STXBP5L: variants seen among roughly 807,000 people sequenced by gnomAD.
STXBP5L encodes syntaxin-binding protein 5-like.
STXBP5L carries 65 observed loss-of-function variants against 144.5 expected under a neutral mutation model. The ratio of observed to expected loss-of-function variants is 0.45; its 90% CI spans 0.37 to 0.55. The LOEUF is 0.55. Among genes scored for constraint, STXBP5L ranks in the 20% least tolerant of loss-of-function variants. The probability of loss-of-function intolerance (pLI) is 0.00; values close to 1 mark genes in which losing one functional copy is unlikely to be tolerated. For missense variants in STXBP5L, 1,298 were observed against 1,405.5 expected, an observed-to-expected ratio of 0.92 and a Z score of 1.22; for synonymous variants, 505 against 469.6, an observed-to-expected ratio of 1.08 and a Z score of -0.97.
chr3:121,063,077 C>T (rs1320667675), intron 5 of STXBP5L, among the ~76,000 whole-genome samples: 2 of 152,172 alleles, frequency 1.3e-5, no homozygotes, highest in African/African-American at 4.8e-5. Context: ...TCCTCTGGAG[C>T]AGAAGAGTCA....
chr3:121,410,180 TG>T (rs1036381277), intron 23 of STXBP5L, among the ~76,000 whole-genome samples: 1 of 151,768 alleles, frequency 6.6e-6, no homozygotes, highest in East Asian at 1.9e-4. Context: ...GCCTCAGATT[TG>T]GGGGGGAAAA....
chr3:121,294,198 A>G (rs1328708694), intron 19 of STXBP5L, among the ~76,000 whole-genome samples: 1 of 152,242 alleles, frequency 6.6e-6, no homozygotes, highest in Non-Finnish European at 1.5e-5. Flanking sequence ...CAGGAAATGA[A>G]GTGGCTTGAC....
intron 19 of STXBP5L, among the ~76,000 whole-genome samples, chr3:121,311,722 G>T (rs2043535771): frequency 6.6e-6 from 1 of 152,182 alleles, no homozygotes; most frequent in South Asian, 2.1e-4. Context: ...AACATTCCAT[G>T]TTCATGGGTA....
intron 21 of STXBP5L, among the ~76,000 whole-genome samples, chr3:121,379,678 G>C (rs2046279377): frequency 6.6e-6 from 1 of 152,038 alleles, no homozygotes; most frequent in South Asian, 2.1e-4. Flanking sequence ...TGATCCCTTA[G>C]ATATGCAGAT....
intron 3 of STXBP5L, among the ~76,000 whole-genome samples, chr3:121,016,199 C>A (rs1945136668): frequency 1.3e-5 from 2 of 152,130 alleles, no homozygotes; most frequent in Non-Finnish European, 2.9e-5. Context: ...CAAAAAATTA[C>A]AAGGCATTCC....
intron 3 of STXBP5L, among the ~76,000 whole-genome samples, chr3:120,982,998 G>C (rs1381357286): frequency 6.6e-6 from 1 of 152,224 alleles, no homozygotes; most frequent in Non-Finnish European, 1.5e-5. Flanking sequence ...CTGTGGACCT[G>C]CCACCAAGGG....
intron 2 of STXBP5L, among the ~76,000 whole-genome samples, chr3:120,931,745 C>T (rs1170777488): frequency 6.6e-6 from 1 of 152,172 alleles, no homozygotes; most frequent in Non-Finnish European, 1.5e-5. Context: ...ACCACAATCC[C>T]TGCAGCAACC....
chr3:121,094,190 A>C (rs2042987834), intron 5 of STXBP5L, among the ~76,000 whole-genome samples: 1 of 152,160 alleles, frequency 6.6e-6, no homozygotes, highest in Non-Finnish European at 1.5e-5. Context: ...CTTTACTTCC[A>C]ACTATGTGGT....
chr3:121,049,383 C>T (rs1327143658), intron 5 of STXBP5L, among the ~76,000 whole-genome samples: 2 of 152,044 alleles, frequency 1.3e-5, no homozygotes, highest in Non-Finnish European at 2.9e-5. Context: ...GTCAGGAGGC[C>T]TTGCTCAGTG....
intron 10 of STXBP5L, among the ~76,000 whole-genome samples, chr3:121,208,259 C>G (rs2048416983): frequency 6.8e-6 from 1 of 147,426 alleles, no homozygotes; most frequent in South Asian, 2.1e-4. Flanking sequence ...CACATGTTCT[C>G]ACTCATAGGT....
At chr3:121,310,316 G>GACTTA (rs1217022111) in intron 19 of STXBP5L, among the ~76,000 whole-genome samples, 1 of 152,242 alleles carries the variant, frequency 6.6e-6, no homozygotes, top group Non-Finnish European at 1.5e-5. Context: ...GCACTATTAA[G>GACTTA]AGGCCAGGCA....
intron 3 of STXBP5L, among the ~76,000 whole-genome samples, chr3:120,974,305 C>T (rs1342362085): frequency 3.3e-5 from 5 of 151,978 alleles, no homozygotes; most frequent in South Asian, 2.1e-4. Flanking sequence ...ATGATGAGCA[C>T]TTTTTCATGT....
chr3:121,318,559 T>G lies in STXBP5L; in HGVS notation c.2176+19T>G. 3 of 1,512,052 alleles carry G rather than the reference T, an allele frequency of 2.0e-6. No homozygotes were observed. The highest frequency in any genetic ancestry group is 1.8e-6 in the Non-Finnish European group (2 of 1,125,734). 93.7% of individuals were successfully genotyped at this position (1,512,052 alleles called of 1,614,324 possible). A position where few individuals can be genotyped will look rare whatever the true frequency, so the allele number is the denominator to read the frequency against. On this transcript the variant is annotated intron_variant, in intron 20 of 26. Coordinates refer to ENST00000471454, the MANE Select transcript of STXBP5L (RefSeq NM_001308330.2). Reference sequence around the variant, plus strand: ...ACCTCAGGTAAACATGAGTGGTATTTTGCAGACTTCTGGTAATTCACTGCA... The same window carrying G: ...ACCTCAGGTAAACATGAGTGGTATTGTGCAGACTTCTGGTAATTCACTGCA...
At chr3:121,416,070 C>A in intron 25 of STXBP5L, 102 bp downstream of exon 25, 1 of 824,338 alleles carries the variant, frequency 1.2e-6, no homozygotes, top group South Asian at 2.0e-5. Context: ...ATCTCAAATT[C>A]TAGACTACGT....
At chr3:121,134,446 G>A (rs1363304868) in intron 7 of STXBP5L, among the ~76,000 whole-genome samples, 4 of 151,838 alleles carry the variant, frequency 2.6e-5, no homozygotes, top group Non-Finnish European at 5.9e-5. Context: ...GGGTACATGT[G>A]CGCAATGTGT....
At chr3:120,992,311 T>C (rs979600247) in intron 3 of STXBP5L, among the ~76,000 whole-genome samples, 1 of 152,146 alleles carries the variant, frequency 6.6e-6, no homozygotes, top group Non-Finnish European at 1.5e-5. Context: ...ACATTTTAAG[T>C]CCTGTCTCCT....
intron 3 of STXBP5L, among the ~76,000 whole-genome samples, chr3:121,034,802 A>G (rs531839964): frequency 1.3e-5 from 2 of 152,028 alleles, no homozygotes; most frequent in Non-Finnish European, 2.9e-5. Flanking sequence ...TATCCACACT[A>G]TTTTCCACAG....
chr3:121,277,648 T>C (rs1293974465), intron 18 of STXBP5L, among the ~76,000 whole-genome samples: 1 of 152,028 alleles, frequency 6.6e-6, no homozygotes, highest in African/African-American at 2.4e-5. Context: ...CTGGTTATCA[T>C]ATTTTCCTGA....
intron 10 of STXBP5L, among the ~76,000 whole-genome samples, chr3:121,211,025 A>G (rs901150314): frequency 6.6e-6 from 1 of 152,114 alleles, no homozygotes; most frequent in African/African-American, 2.4e-5. Context: ...ATTGGGCAGT[A>G]TTGCCATTTT....
Sources: gnomAD v4.1 joint callset for allele counts (sites outside exome capture counted in the v4.1 genomes callset) on GRCh38, gnomAD v4.1.1 for gene constraint, MANE v1.5 for transcripts, NCBI Gene and HGNC (gene_info 2026-07-23, HGNC 2026-07-21) for gene names.